Variants in CDK11A observed in about 807,000 individuals in gnomAD.
The protein encoded by CDK11A is cyclin-dependent kinase 11A.
A neutral mutation model predicts 83.6 loss-of-function variants in CDK11A; 55 were observed. The ratio of observed to expected loss-of-function variants is 0.66; its 90% CI spans 0.53 to 0.82. The LOEUF is 0.82. Ranked by LOEUF, CDK11A falls within the 40% of genes least tolerant of loss-of-function variation. CDK11A has a pLI of 0.00. For missense variants in CDK11A, 564 were observed against 810.1 expected (o/e 0.70, Z 3.69); for synonymous variants, 247 against 302.7 (o/e 0.82, Z 1.91).
chr1:1,719,196 G>A (rs1644801397), intron 4 of CDK11A, 132 bp downstream of exon 4: 16 of 783,690 alleles, frequency 2.0e-5, no homozygotes, highest in Non-Finnish European at 3.0e-5. Flanking sequence ...AACGGTCTGT[G>A]ACACCATTAT....
intron 13 of CDK11A, 102 bp from the exon 14 acceptor site, chr1:1,704,757 C>G (rs1644246100): frequency 6.3e-7 from 1 of 1,599,082 alleles, no homozygotes; most frequent in East Asian, 2.2e-5. Flanking sequence ...CCGGTGCCAC[C>G]CGGGAGGCAA....
chr1:1,721,022 G>A (rs1417570769), intron 3 of CDK11A, among the ~76,000 whole-genome samples: 4 of 150,752 alleles, frequency 2.7e-5, no homozygotes, highest in Non-Finnish European at 3.0e-5. Flanking sequence ...CAGGTCAGAA[G>A]ATCGAGACCA....
chr1:1,715,490 G>A (rs1452015933), intron 5 of CDK11A, among the ~76,000 whole-genome samples: 1 of 149,296 alleles, frequency 6.7e-6, no homozygotes, highest in Non-Finnish European at 1.5e-5. Context: ...TGGCATACAT[G>A]AATGTTTCAC....
intron 3 of CDK11A, among the ~76,000 whole-genome samples, chr1:1,719,920 G>A (rs972905264): frequency 6.7e-6 from 1 of 148,536 alleles, no homozygotes; most frequent in Middle Eastern, 3.3e-3. Flanking sequence ...CGGCCTAGGA[G>A]TCTTAAGATT....
chr1:1,715,546 C>A (rs61776854), intron 5 of CDK11A, among the ~76,000 whole-genome samples: 1 of 144,202 alleles, frequency 6.9e-6, no homozygotes, highest in Admixed American at 7.1e-5. Context: ...CACCCAGCAG[C>A]GGTCTCGGAC....
intron 4 of CDK11A, among the ~76,000 whole-genome samples, chr1:1,717,404 G>A (rs1430125455): frequency 2.0e-5 from 3 of 150,996 alleles, no homozygotes; most frequent in Admixed American, 6.6e-5. Flanking sequence ...TCCTGATGTT[G>A]GTACGAGATC....
rs532125752 is a variant in CDK11A, at chr1:1,703,939, T to C, written c.1796A>G (p.Glu599Gly). ...CCACATGTCCACGGCCGTGGAGTAT[T>C]CCTAAGACGCCAGGAGAGGTGTTCA... Reference protein sequence around the residue: ...RAPELLLGAKEYSTAVDMWSV... With the variant: ...RAPELLLGAKGYSTAVDMWSV... The change falls in exon 17 of 20, where the codon GAA becomes GGA. Residue 599 changes from glutamate to glycine, a missense_variant and splice_region_variant. Glu to Gly is a moderately conservative substitution (Grantham distance 98, BLOSUM62 -2). Transcript: ENST00000404249. The C allele has an allele frequency of 2.1e-5, 33 of 1,609,554 alleles. 1 individual carries two copies. In the East Asian group the frequency reaches 3.3e-4, roughly 16 times the overall value.
At position 1,721,717 on chromosome 1, in the gene CDK11A, A is replaced by G. The variant is rs1314099761; in HGVS notation, c.112-6T>C. On this transcript the variant is annotated splice_region_variant and splice_polypyrimidine_tract_variant and intron_variant, in intron 2 of 19. Coordinates refer to ENST00000404249, the MANE Select transcript of CDK11A (RefSeq NM_024011.4). ...TTGGAATCCCGGTCATCAGACTAAG[A>G]AGCAAAGAGAAAGTTAATCATTTTC... 24 of 1,556,608 alleles carry G rather than the reference A, an allele frequency of 1.5e-5. 2 individuals are homozygous for G. Among genetic ancestry groups the G allele is most frequent in the Non-Finnish European group, 1.8e-5 (21 of 1,135,574 alleles).
chr1:1,718,768 C>G (rs960425204), intron 4 of CDK11A, among the ~76,000 whole-genome samples: 1 of 150,768 alleles, frequency 6.6e-6, no homozygotes, highest in Non-Finnish European at 1.5e-5. Flanking sequence ...TCCAGAGCAG[C>G]TGGGACTACA....
chr1:1,704,612 A>G lies in CDK11A; in HGVS notation c.1502T>C (p.Met501Thr). ...GSNMDKIYIV[M>T]NYVEHDLKSL... is the part of the protein sequence containing the mutation. ...CTTGAGGTCGTGCTCCACGTAGTTC[A>G]TCACGATGTAGATCTTGTCCATGTT... Residue 501 changes from methionine (M) to threonine (T), a missense_variant, in exon 14 of 20, where the codon ATG becomes ACG. By Grantham distance (81) the Met-to-Thr change is moderately conservative. Around this residue, in one of 5 missense-constraint regions of CDK11A, gnomAD observed 361 missense variants for 402.7 expected, o/e 0.90. Transcript: ENST00000404249. 6.3e-7 allele frequency: 1 copy of G among 1,599,910 alleles called. No individual in the cohort carries two copies. Among genetic ancestry groups the G allele is most frequent in the Non-Finnish European group, 8.5e-7 (1 of 1,172,466 alleles).
rs1364206728 is a variant in CDK11A, at chr1:1,717,503, A to G, written c.356-1025T>C. ...CTCCTATACTTGTTGAATTCAGGTC[A>G]TTTTAAATGTAAACAAACTGCTCCC... On this transcript the variant is annotated intron_variant, in intron 4 of 19. Coordinates refer to ENST00000404249, the MANE Select transcript of CDK11A (RefSeq NM_024011.4). 1.3e-5 allele frequency among the ~76,000 whole-genome samples: 2 copies of G among 151,342 alleles called. 1 individual carries two copies. Among genetic ancestry groups the G allele is most frequent in the Non-Finnish European group, 3.0e-5 (2 of 67,788 alleles).
At chr1:1,717,168 A>T (rs1474187877) in intron 4 of CDK11A, among the ~76,000 whole-genome samples, 2 of 151,228 alleles carry the variant, frequency 1.3e-5, no homozygotes, top group African/African-American at 4.9e-5. Flanking sequence ...GCTATCACAG[A>T]AGAGAATTGT....
At position 1,721,541 on chromosome 1, in the gene CDK11A, T is replaced by C. The variant is rs555696071; in HGVS notation, c.227+55A>G. On this transcript the variant is annotated intron_variant, in intron 3 of 19. Coordinates refer to ENST00000404249, the MANE Select transcript of CDK11A (RefSeq NM_024011.4). ...TTGTCACAGTGACCCTAGGAAGGAC[T>C]GGCCAGGCCAGGGCTGTGTACAGTT... The C allele has an allele frequency of 2.1e-5, 33 of 1,568,624 alleles. 3 individuals carry two copies. Among genetic ancestry groups the C allele is most frequent in the Middle Eastern group, 1.7e-4 (1 of 5,910 alleles).
rs567171705 is a variant in CDK11A at position 1,721,124 on chromosome 1, C to T, written c.227+472G>A. 1.0e-3 allele frequency among the ~76,000 whole-genome samples: 157 copies of T among 150,410 alleles called. 8 individuals are homozygous for T. The highest frequency in any genetic ancestry group is 1.9e-3 in the Non-Finnish European group (131 of 67,510). On this transcript the variant is annotated intron_variant, in intron 3 of 19. Coordinates refer to ENST00000404249, the MANE Select transcript of CDK11A (RefSeq NM_024011.4). ...AGGAGAATGGTGTGAACCAGGGAGG[C>T]GGAGCTTGCAGTGAGCCGAGATGGC...
At chr1:1,722,149 A>T (rs955406846) in intron 2 of CDK11A, among the ~76,000 whole-genome samples, 6 of 151,152 alleles carry the variant, frequency 4.0e-5, no homozygotes, top group Admixed American at 3.3e-4. Context: ...ATGCTATTGG[A>T]AAAATACTCA....
intron 3 of CDK11A, among the ~76,000 whole-genome samples, chr1:1,720,344 G>A (rs1269926081): frequency 1.3e-5 from 2 of 150,396 alleles, no homozygotes; most frequent in African/African-American, 4.9e-5. Context: ...TGATCTGCCC[G>A]CCTCAGCCTC....
At chr1:1,720,674 G>C (rs1240439774) in intron 3 of CDK11A, among the ~76,000 whole-genome samples, 2 of 144,564 alleles carry the variant, frequency 1.4e-5, no homozygotes, top group Admixed American at 1.4e-4. Flanking sequence ...TGGGATTACA[G>C]GCATGAGCCA....
intron 3 of CDK11A, among the ~76,000 whole-genome samples, 195 bp downstream of exon 3, chr1:1,721,401 C>T (rs1644901734): frequency 6.6e-6 from 1 of 150,956 alleles, no homozygotes; most frequent in African/African-American, 2.4e-5. Flanking sequence ...TACAACAGCA[C>T]ACCCTGTCAC....
At chr1:1,705,497 C>T in intron 12 of CDK11A, 145 bp downstream of exon 12, 1 of 371,078 alleles carries the variant, frequency 2.7e-6, no homozygotes, top group South Asian at 2.9e-5. Flanking sequence ...CAGGGCCAGG[C>T]TGACCTCTGG....
Sources: allele counts gnomAD v4.1 joint callset (sites outside exome capture counted in the v4.1 genomes callset), GRCh38; gene constraint gnomAD v4.1.1; regional missense constraint gnomAD v4.1.1; transcripts MANE v1.5; gene names NCBI Gene and HGNC (gene_info 2026-07-23, HGNC 2026-07-21).